RFX6: variants seen among roughly 807,000 people sequenced by gnomAD.
The protein encoded by RFX6 is DNA-binding protein RFX6.
Under a neutral mutation model 110.8 loss-of-function variants are expected in RFX6, and 50 were observed. That is an observed-to-expected ratio of 0.45 (90% CI 0.36 to 0.57). The LOEUF is 0.57. Ranked by LOEUF, RFX6 falls within the 20% of genes least tolerant of loss-of-function variation. The pLI is 0.00. For synonymous variants in RFX6, 383 were observed against 411.2 expected (o/e 0.93, Z 0.83); for missense variants, 990 against 1,127.0 (o/e 0.88, Z 1.74).
intron 7 of RFX6, among the ~76,000 whole-genome samples, chr6:116,911,742 A>C (rs1396035022): frequency 2.0e-5 from 3 of 152,210 alleles, no homozygotes; most frequent in South Asian, 2.1e-4. Flanking sequence ...TTTCAACCAA[A>C]GTACATGTTT....
intron 6 of RFX6, among the ~76,000 whole-genome samples, chr6:116,904,969 G>A (rs1562140207): frequency 6.6e-6 from 1 of 152,198 alleles, no homozygotes; most frequent in East Asian, 1.9e-4. Flanking sequence ...AGTGACTAAT[G>A]CTGCTATGAA....
chr6:116,925,145 A>G (rs544572441), intron 15 of RFX6, among the ~76,000 whole-genome samples: 1 of 152,172 alleles, frequency 6.6e-6, no homozygotes, highest in East Asian at 1.9e-4. Flanking sequence ...GTTCTATAGG[A>G]GTTTAGAGAA....
intron 6 of RFX6, among the ~76,000 whole-genome samples, chr6:116,898,688 G>C (rs1775002571): frequency 6.6e-6 from 1 of 152,142 alleles, no homozygotes; most frequent in Non-Finnish European, 1.5e-5. Context: ...AAAAGAGAAA[G>C]GGTAAGTTCG....
chr6:116,919,444 G>T, intron 11 of RFX6, 148 bp downstream of exon 11: 1 of 745,624 alleles, frequency 1.3e-6, no homozygotes. Context: ...TGAATGCTAT[G>T]ATAGAAAAAG....
intron 16 of RFX6, 66 bp downstream of exon 16, chr6:116,925,725 A>G: frequency 9.3e-7 from 1 of 1,070,614 alleles, no homozygotes; most frequent in Non-Finnish European, 1.4e-6. Flanking sequence ...CATTTTTCTT[A>G]AAACTCATAA....
intron 10 of RFX6, among the ~76,000 whole-genome samples, chr6:116,918,625 T>C (rs901897903): frequency 1.3e-5 from 2 of 151,336 alleles, no homozygotes; most frequent in African/African-American, 2.4e-5. Flanking sequence ...ACTTTTTCTC[T>C]GAAAACAAAA....
In RFX6 at chr6:116,908,424, A is replaced by G. The variant is rs371286652; in HGVS notation, c.673-2511A>G. Among the ~76,000 whole-genome samples, 6 of 152,154 alleles carry G rather than the reference A, an allele frequency of 3.9e-5. No individual in the cohort carries two copies. In the East Asian group the frequency reaches 9.6e-4, roughly 24 times the overall value. On this transcript the variant is annotated intron_variant, in intron 6 of 18. Transcript: ENST00000332958. ...TTTTAGTTTTTCAATGAAATCAATT[A>G]CATCAGTAGCAAATAATGCTAATAT...
At chr6:116,906,162 T>G (rs1284162098) in intron 6 of RFX6, among the ~76,000 whole-genome samples, 1 of 152,212 alleles carries the variant, frequency 6.6e-6, no homozygotes. Flanking sequence ...GGCACCCCTA[T>G]CAAAAATTAT....
At chr6:116,920,885 A>G (rs1321767821) in intron 12 of RFX6, among the ~76,000 whole-genome samples, 1 of 152,172 alleles carries the variant, frequency 6.6e-6, no homozygotes, top group Non-Finnish European at 1.5e-5. Flanking sequence ...GTTTTCTTTC[A>G]GTTTTACATT....
intron 4 of RFX6, among the ~76,000 whole-genome samples, chr6:116,891,256 T>G (rs1395722934): frequency 6.6e-6 from 1 of 152,176 alleles, no homozygotes; most frequent in Non-Finnish European, 1.5e-5. Context: ...GCTCTAATAT[T>G]TTTTGAACTA....
intron 7 of RFX6, among the ~76,000 whole-genome samples, chr6:116,913,940 A>C (rs1775409506): frequency 6.6e-6 from 1 of 152,214 alleles, no homozygotes; most frequent in Non-Finnish European, 1.5e-5. Flanking sequence ...AAGACATTTG[A>C]ATTGTTCTCT....
chr6:116,897,924 T>C (rs1342211868), intron 6 of RFX6, among the ~76,000 whole-genome samples: 5 of 152,082 alleles, frequency 3.3e-5, no homozygotes, highest in Non-Finnish European at 4.4e-5. Context: ...AGTTTGATGG[T>C]GATTGAAGCC....
chr6:116,926,581 T>C (rs1775739839), intron 16 of RFX6, among the ~76,000 whole-genome samples: 1 of 152,228 alleles, frequency 6.6e-6, no homozygotes, highest in Admixed American at 6.5e-5. Context: ...GTGGCATTCA[T>C]AAATCACATT....
intron 6 of RFX6, among the ~76,000 whole-genome samples, chr6:116,909,735 CTTTTTTTTTTTT>C (rs59264999): frequency 1.0e-4 from 7 of 67,364 alleles, no homozygotes; most frequent in African/African-American, 3.6e-4. Flanking sequence ...TCATTTAAAT[CTTTTTTTTTTTT>C]TTTTTTTTTT....
intron 7 of RFX6, among the ~76,000 whole-genome samples, chr6:116,915,210 T>G (rs1205740567): frequency 6.6e-6 from 1 of 152,216 alleles, no homozygotes; most frequent in Non-Finnish European, 1.5e-5. Flanking sequence ...TTTTAAACTA[T>G]GCTATGCAAA....
At chr6:116,929,608 T>G (rs1310261346) in intron 18 of RFX6, among the ~76,000 whole-genome samples, 1 of 152,204 alleles carries the variant, frequency 6.6e-6, no homozygotes, top group Non-Finnish European at 1.5e-5. Context: ...AATCCTCATC[T>G]ATGAAGAAAT....
At position 116,877,850 on chromosome 6, in the gene RFX6, A is replaced by G; in HGVS notation, c.278A>G (p.His93Arg). ...FSSEEEDADN[H>R]DSKTKAADQY... is the part of the protein sequence containing the mutation. ...TCTGAAGAAGAGGACGCCGACAACCACGACAGCAAAACCAAAGCAGCGGAT... is the reference window on the plus strand; with the variant it reads ...TCTGAAGAAGAGGACGCCGACAACCGCGACAGCAAAACCAAAGCAGCGGAT... Residue 93 changes from histidine to arginine, a missense_variant, in exon 2 of 19, where the codon CAC (histidine) becomes CGC (arginine). By Grantham distance (29) the His-to-Arg change is conservative (BLOSUM62 0). This residue lies in a region of RFX6 where 175 missense variants were observed against 162.3 expected (regional missense o/e 1.08). Transcript: ENST00000332958. 1 of 1,614,148 alleles carries G rather than the reference A, an allele frequency of 6.2e-7. No homozygotes were observed. Among genetic ancestry groups the G allele is most frequent in the Non-Finnish European group, 8.5e-7 (1 of 1,179,994 alleles).
chr6:116,926,943 A>C, intron 16 of RFX6, 84 bp from the exon 17 acceptor site: 13 of 1,282,240 alleles, frequency 1.0e-5, no homozygotes, highest in Non-Finnish European at 1.5e-5. Context: ...CAATACATTA[A>C]TAAATCTTTT....
chr6:116,921,630 C>T (rs563542404), intron 12 of RFX6, among the ~76,000 whole-genome samples: 1 of 151,562 alleles, frequency 6.6e-6, no homozygotes, highest in Non-Finnish European at 1.5e-5. Flanking sequence ...CCAGCCTGGG[C>T]AACACAGCAA....
Sources: gnomAD v4.1 joint callset for allele counts (sites outside exome capture counted in the v4.1 genomes callset) on GRCh38, gnomAD v4.1.1 for gene constraint, gnomAD v4.1.1 regional missense constraint, MANE v1.5 for transcripts, NCBI Gene and HGNC (gene_info 2026-07-23, HGNC 2026-07-21) for gene names.